MS4A15: variants seen among roughly 807,000 people sequenced by gnomAD.
The protein encoded by MS4A15 is membrane-spanning 4-domains subfamily A member 15.
In MS4A15, 22 loss-of-function variants were observed where a neutral mutation model predicts 20.6. The observed-to-expected ratio is 1.07, with a 90% confidence interval of 0.76 to 1.52. MS4A15 has a LOEUF of 1.52. MS4A15 is among the 40% of genes most tolerant of loss of function. The pLI, the probability that MS4A15 is intolerant of heterozygous loss-of-function variation, is 0.00. For missense variants in MS4A15, 312 were observed against 323.0 expected (o/e 0.97, Z 0.26); for synonymous variants, 129 against 129.3 (o/e 1.00, Z 0.02).
intron 4 of MS4A15, 51 bp downstream of exon 4, chr11:60,771,398 C>T (rs888718483): frequency 1.2e-5 from 19 of 1,609,734 alleles, no homozygotes; most frequent in Non-Finnish European, 1.6e-5. Context: ...ACAGCTAAAT[C>T]TCACTCTACC....
At chr11:60,759,532 G>C (rs1368331189) in intron 1 of MS4A15, among the ~76,000 whole-genome samples, 1 of 152,126 alleles carries the variant, frequency 6.6e-6, no homozygotes, top group Non-Finnish European at 1.5e-5. Context: ...CACCCGTAAA[G>C]GGTCTGTGCT....
At chr11:60,763,369 TC>T (rs1202499186) in intron 1 of MS4A15, among the ~76,000 whole-genome samples, 1 of 152,168 alleles carries the variant, frequency 6.6e-6, no homozygotes, top group African/African-American at 2.4e-5. Context: ...TAGCTGTGTG[TC>T]CTTAGGTAAG....
At chr11:60,757,277 G>A (rs1853619553) in intron 1 of MS4A15, among the ~76,000 whole-genome samples, 1 of 152,188 alleles carries the variant, frequency 6.6e-6, no homozygotes, top group African/African-American at 2.4e-5. Context: ...CCTGATCAAG[G>A]AACCTTAGAC....
At chr11:60,771,732 G>A (rs1854050441) in intron 4 of MS4A15, 10 of 1,248,752 alleles carry the variant, frequency 8.0e-6, no homozygotes, top group Admixed American at 5.7e-5. Context: ...CTGAAACCAC[G>A]CCTGGCTCCA....
At chr11:60,767,731 C>A in intron 3 of MS4A15, 76 bp downstream of exon 3, 1 of 1,431,364 alleles carries the variant, frequency 7.0e-7, no homozygotes, top group Non-Finnish European at 9.2e-7. Flanking sequence ...CGCCCACCCC[C>A]ACCATCCTCC....
At chr11:60,760,788 G>A (rs1360025718) in intron 1 of MS4A15, among the ~76,000 whole-genome samples, 1 of 152,148 alleles carries the variant, frequency 6.6e-6, no homozygotes, top group Non-Finnish European at 1.5e-5. Flanking sequence ...CCCTCTTCTC[G>A]AGAACAGGAC....
intron 1 of MS4A15, among the ~76,000 whole-genome samples, chr11:60,759,914 T>C (rs1278066326): frequency 6.6e-6 from 1 of 152,094 alleles, no homozygotes; most frequent in East Asian, 1.9e-4. Context: ...CATGCCAAGA[T>C]AGTGAAAATA....
chr11:60,763,646 T>G, intron 1 of MS4A15, 60 bp from the exon 2 acceptor site: 3 of 1,412,660 alleles, frequency 2.1e-6, no homozygotes. Flanking sequence ...ACGTTGCTTA[T>G]CAACTAAAAA....
intron 2 of MS4A15, among the ~76,000 whole-genome samples, chr11:60,766,520 G>A (rs937457147): frequency 6.6e-6 from 1 of 152,194 alleles, no homozygotes; most frequent in African/African-American, 2.4e-5. Flanking sequence ...AAGGCATAAT[G>A]GCAGTAGCTG....
In MS4A15 at chr11:60,767,620, A is replaced by G. The variant is rs761920705; in HGVS notation, c.313A>G (p.Ile105Val). 2.6e-6 allele frequency: 4 copies of G among 1,557,618 alleles called. No individual in the cohort carries two copies. The East Asian group carries it at 7.1e-5, about 28-fold the overall frequency. Residue 105 changes from isoleucine (I) to valine (V), a missense_variant, in exon 3 of 7, where the codon ATC becomes GTC. Transcript: ENST00000405633. ...CCGCGGCCACGTGGGCATCTTCTTC[A>G]TCGAGGGCGGCGTCCCCTTCTGGGG... ...VRRGHVGIFF[I>V]EGGVPFWGGA...
chr11:60,773,915 T>A lies in MS4A15; in HGVS notation c.577T>A (p.Phe193Ile), dbSNP rs1219317533. The A allele has an allele frequency of 4.3e-6, 7 of 1,614,084 alleles. No individual in the cohort carries two copies. The highest frequency in any genetic ancestry group is 1.7e-5 in the Admixed American group (1 of 60,018). Reference protein sequence around the residue: ...EFFTAVIAMHFGCQAIHAQAS... With the variant: ...EFFTAVIAMHIGCQAIHAQAS... ...CTTCACAGCGGTCATTGCCATGCAC[T>A]TCGGGTGCCAAGCCATCCATGCCCA... Residue 193 changes from phenylalanine to isoleucine, a missense_variant, in exon 6 of 7, where the codon TTC (phenylalanine) becomes ATC (isoleucine). By Grantham distance (21) the Phe-to-Ile change is conservative (BLOSUM62 0). Transcript: ENST00000405633.
chr11:60,771,043 G>A (rs1590984016), intron 3 of MS4A15, among the ~76,000 whole-genome samples: 1 of 152,170 alleles, frequency 6.6e-6, no homozygotes, highest in East Asian at 1.9e-4. Flanking sequence ...AATGTTTGAA[G>A]GAACAATGCC....
At position 60,767,609 on chromosome 11, in the gene MS4A15, G is replaced by A; in HGVS notation, c.302G>A (p.Gly101Asp). Reference sequence around the variant, plus strand: ...CTCATGGTTCGCCGCGGCCACGTGGGCATCTTCTTCATCGAGGGCGGCGTC... The same window carrying A: ...CTCATGGTTCGCCGCGGCCACGTGGACATCTTCTTCATCGAGGGCGGCGTC... ...VLLMVRRGHV[G>D]IFFIEGGVPF... The change falls in exon 3 of 7, where the codon GGC (glycine) becomes GAC (aspartate). Residue 101 changes from glycine (G) to aspartate (D), a missense_variant. Gly to Asp is a moderately conservative substitution (Grantham distance 94). Coordinates refer to ENST00000405633, the MANE Select transcript of MS4A15 (RefSeq NM_001098835.2). The A allele has an allele frequency of 6.4e-7, 1 of 1,558,266 alleles. No homozygotes were observed. The highest frequency in any genetic ancestry group is 8.7e-7 in the Non-Finnish European group (1 of 1,150,364).
rs760814411 is a variant in MS4A15 at position 60,763,719 on chromosome 11, G to A, written c.-15G>A. Reference sequence around the variant, plus strand: ...TTATCTCCCAAGCCTTTGTTTCCCAGGCTCTCTGAGCACGATGTCTGCAGC... The same window carrying A: ...TTATCTCCCAAGCCTTTGTTTCCCAAGCTCTCTGAGCACGATGTCTGCAGC... On this transcript the variant is annotated 5_prime_UTR_variant, in exon 2 of 7. Transcript: ENST00000405633. The A allele has an allele frequency of 1.9e-6, 3 of 1,611,766 alleles. No individual in the cohort carries two copies. The highest frequency in any genetic ancestry group is 2.5e-6 in the Non-Finnish European group (3 of 1,179,620).
At chr11:60,774,032 T>A in intron 6 of MS4A15, 82 bp downstream of exon 6, 1 of 1,036,668 alleles carries the variant, frequency 9.6e-7, no homozygotes. Context: ...GAGCGCGCTC[T>A]GCCTCCAGAC....
intron 1 of MS4A15, among the ~76,000 whole-genome samples, chr11:60,758,755 CTG>C (rs1191802834): frequency 2.6e-5 from 4 of 152,248 alleles, no homozygotes; most frequent in African/African-American, 4.8e-5. Context: ...TTTTTACAAA[CTG>C]TGCCTGTTAA....
chr11:60,775,886 C>T lies in MS4A15; in HGVS notation c.*171C>T. 1 of 556,662 alleles carries T rather than the reference C, an allele frequency of 1.8e-6. No homozygotes were observed. The highest frequency in any genetic ancestry group is 2.6e-5 in the South Asian group (1 of 38,048). 34.5% of individuals were successfully genotyped at this position (556,662 alleles called of 1,614,324 possible). A position where few individuals can be genotyped will look rare whatever the true frequency, so the allele number is the denominator to read the frequency against. On this transcript the variant is annotated 3_prime_UTR_variant, in exon 7 of 7. Coordinates refer to ENST00000405633, the MANE Select transcript of MS4A15 (RefSeq NM_001098835.2). ...AGTGTCCCCAGGGACATCTCTCCCA[C>T]ACTTTCCCCAGTGCTTTCTTTCTAA...
chr11:60,764,312 C>G (rs1198250783), intron 2 of MS4A15, among the ~76,000 whole-genome samples: 1 of 152,110 alleles, frequency 6.6e-6, no homozygotes, highest in Non-Finnish European at 1.5e-5. Context: ...AGTGGAAGGG[C>G]TGGAGAGGGA....
chr11:60,763,026 C>T (rs1415100430), intron 1 of MS4A15, among the ~76,000 whole-genome samples: 1 of 152,128 alleles, frequency 6.6e-6, no homozygotes, highest in African/African-American at 2.4e-5. Context: ...AAATACTTGG[C>T]GGACAGATGC....
Sources: gnomAD v4.1 joint callset for allele counts (sites outside exome capture counted in the v4.1 genomes callset) on GRCh38, gnomAD v4.1.1 for gene constraint, MANE v1.5 for transcripts, NCBI Gene and HGNC (gene_info 2026-07-23, HGNC 2026-07-21) for gene names.